Variants in MICAL2 observed in about 807,000 individuals in gnomAD.
The protein encoded by MICAL2 is microtubule associated monooxygenase, calponin and LIM domain containing 2, also known as [F-actin]-monooxygenase MICAL2.
MICAL2 carries 77 observed loss-of-function variants against 127.3 expected under a neutral mutation model. That is an observed-to-expected ratio of 0.60 (90% confidence interval 0.50 to 0.73). The LOEUF (loss-of-function observed/expected upper bound fraction) is 0.73, where lower values mean the gene tolerates loss of function less well. MICAL2 is among the 30% of genes least tolerant of loss of function. MICAL2 has a pLI of 0.00. For missense variants in MICAL2, 1,351 were observed against 1,434.4 expected (o/e 0.94, Z 0.94); for synonymous variants, 570 against 551.1 (o/e 1.03, Z -0.48).
intron 8 of MICAL2, among the ~76,000 whole-genome samples, chr11:12,218,000 T>C (rs1856395931): frequency 6.6e-6 from 1 of 152,162 alleles, no homozygotes; most frequent in African/African-American, 2.4e-5. Flanking sequence ...AATGGCAAGT[T>C]TTCTGTTTTC....
chr11:12,265,361 CTT>C (rs1440880875), downstream of MICAL2, among the ~76,000 whole-genome samples: 4 of 152,020 alleles, frequency 2.6e-5, no homozygotes, highest in Admixed American at 6.6e-5. Context: ...GGATTAAAGA[CTT>C]AGAATTTTAA....
chr11:12,338,165 T>C (rs1213339950), intron 32 of MICAL2, among the ~76,000 whole-genome samples: 4 of 152,228 alleles, frequency 2.6e-5, no homozygotes, highest in Non-Finnish European at 4.4e-5. Flanking sequence ...ATATTTAGGA[T>C]AGTTAGCTCT....
intron 32 of MICAL2, among the ~76,000 whole-genome samples, chr11:12,328,886 G>C (rs921069030): frequency 6.6e-6 from 1 of 152,156 alleles, no homozygotes; most frequent in Non-Finnish European, 1.5e-5. Flanking sequence ...AAAATTGTGA[G>C]GGCTGCTTCC....
intron 33 of MICAL2, among the ~76,000 whole-genome samples, chr11:12,352,740 G>A (rs899750661): frequency 3.3e-5 from 5 of 152,222 alleles, no homozygotes; most frequent in African/African-American, 1.2e-4. Flanking sequence ...AGAAGGAGCA[G>A]GAGGAAGTGA....
intron 32 of MICAL2, among the ~76,000 whole-genome samples, chr11:12,329,862 GAAAA>G (rs59395634): frequency 1.6e-4 from 19 of 121,964 alleles, no homozygotes; most frequent in African/African-American, 5.3e-4. Flanking sequence ...CCCCAAATAT[GAAAA>G]AAAAAAAAAA....
intron 1 of MICAL2, among the ~76,000 whole-genome samples, chr11:12,129,766 G>T (rs895022667): frequency 2.0e-4 from 31 of 151,400 alleles, no homozygotes; most frequent in African/African-American, 7.3e-4. Context: ...GGAGAGCAGT[G>T]GTGGGATCAT....
At chr11:12,231,564 A>G (rs1161052884) in intron 15 of MICAL2, among the ~76,000 whole-genome samples, 1 of 152,132 alleles carries the variant, frequency 6.6e-6, no homozygotes, top group African/African-American at 2.4e-5. Flanking sequence ...TGCCTATTTT[A>G]TGTGGAGTTC....
intron 7 of MICAL2, among the ~76,000 whole-genome samples, chr11:12,214,746 G>A: frequency 6.6e-6 from 1 of 152,206 alleles, no homozygotes. Context: ...CATAACTGTT[G>A]ATGGCTGCTT....
intron 1 of MICAL2, among the ~76,000 whole-genome samples, chr11:12,113,050 G>T (rs75584845): frequency 9.2e-5 from 14 of 152,096 alleles, no homozygotes; most frequent in African/African-American, 3.4e-4. Flanking sequence ...ACGTGGTAAG[G>T]GTAAAAGAAT....
chr11:12,235,171 G>C (rs747550006), intron 15 of MICAL2, among the ~76,000 whole-genome samples: 3 of 152,224 alleles, frequency 2.0e-5, no homozygotes, highest in Admixed American at 1.3e-4. Context: ...CAGCGACAAG[G>C]GTAGGCTTAC....
intron 21 of MICAL2, among the ~76,000 whole-genome samples, chr11:12,245,595 C>T (rs2134519262): frequency 6.6e-6 from 1 of 152,322 alleles, no homozygotes; most frequent in Middle Eastern, 3.4e-3. Flanking sequence ...ATCTTCAATG[C>T]CACTGAAAAT....
rs2706638 is a variant in MICAL2 at position 12,236,580 on chromosome 11, T to G, written c.2064+335T>G. Among the ~76,000 whole-genome samples, 1,459 of 152,368 alleles carry G rather than the reference T, an allele frequency of 9.6e-3. 22 individuals carry two copies. Among genetic ancestry groups the G allele is most frequent in the African/African-American group, 0.033 (1,367 of 41,578 alleles). On this transcript the variant is annotated intron_variant, in intron 16 of 27. Transcript: ENST00000683283. ...CATGTTAATCAATATACAACCACTG[T>G]TAACAGTAAATAGTAAAGAGGCATC...
downstream of MICAL2, chr11:12,294,873 C>T: frequency 2.1e-6 from 3 of 1,451,756 alleles, no homozygotes; most frequent in Non-Finnish European, 9.0e-7. Flanking sequence ...TGGCTCTGTC[C>T]TGATAAATGT....
In MICAL2 at chr11:12,141,687, G is replaced by T. The variant is rs112333248; in HGVS notation, c.-78+3227G>T. On this transcript the variant is annotated intron_variant, in intron 2 of 27. Transcript: ENST00000683283. ...AGGTTGTTGGGATTTTCAAGTCCTT[G>T]ATGCCCCAGGGTACCTGGATTGTAC... Among the ~76,000 whole-genome samples the T allele has an allele frequency of 6.7e-3, 1,022 of 152,306 alleles. 17 individuals carry two copies. Among genetic ancestry groups the T allele is most frequent in the African/African-American group, 0.024 (978 of 41,554 alleles).
intron 29 of MICAL2, among the ~76,000 whole-genome samples, chr11:12,306,561 AAT>A (rs1414670251): frequency 3.3e-5 from 5 of 152,308 alleles, no homozygotes; most frequent in Middle Eastern, 3.4e-3. Context: ...CCAAAATCAA[AAT>A]AGAGATATTT....
In MICAL2 at chr11:12,242,843, C is replaced by T. The variant is rs1860172790; in HGVS notation, c.2658+71C>T. 4.2e-5 allele frequency: 49 copies of T among 1,153,610 alleles called. No individual in the cohort carries two copies. In the South Asian group the frequency reaches 6.2e-4, roughly 15 times the overall value. 71.5% of individuals were successfully genotyped at this position (1,153,610 alleles called of 1,614,324 possible). Reference sequence around the variant, plus strand: ...TCCAGCCAGGTGACCTTGAATCAGGCTCTGAGCTCAATTTTCTCCTCCTTC... The same window carrying T: ...TCCAGCCAGGTGACCTTGAATCAGGTTCTGAGCTCAATTTTCTCCTCCTTC... On this transcript the variant is annotated intron_variant, in intron 20 of 27. Transcript: ENST00000683283.
Position 12,242,729 on chromosome 11 carries a change from C to T in MICAL2, c.2615C>T (p.Ala872Val), listed in dbSNP as rs146142372. 128 of 1,611,462 alleles carry T rather than the reference C, an allele frequency of 7.9e-5. No homozygotes were observed. Among genetic ancestry groups the T allele is most frequent in the Admixed American group, 1.5e-4 (9 of 59,424 alleles). Residue 872 changes from alanine to valine, a missense_variant, in exon 20 of 28, where the codon GCG becomes GTG. Physicochemically the swap from Ala to Val is moderately conservative, Grantham distance 64. Transcript: ENST00000683283. ...CACACAAAGAACATTAAGGAGAAGGCGGCTCACCTTGCCTCCATGTTTGGA... is the reference window on the plus strand; with the variant it reads ...CACACAAAGAACATTAAGGAGAAGGTGGCTCACCTTGCCTCCATGTTTGGA... ...EFHTKNIKEKAAHLASMFGHG... is the reference protein window; with the variant it reads ...EFHTKNIKEKVAHLASMFGHG...
chr11:12,345,610 T>C (rs1284467055), intron 32 of MICAL2, among the ~76,000 whole-genome samples: 1 of 152,222 alleles, frequency 6.6e-6, no homozygotes, highest in Non-Finnish European at 1.5e-5. Context: ...AGGTGATATT[T>C]AACAAGATGC....
Position 12,206,289 on chromosome 11 carries a change from G to T in MICAL2, c.473-1734G>T, listed in dbSNP as rs117824951. Among the ~76,000 whole-genome samples, 815 of 152,264 alleles carry T rather than the reference G, an allele frequency of 5.4e-3. 16 individuals are homozygous for T. The East Asian group carries it at 0.066, about 12-fold the overall frequency. ...GCTTCCTGGCCAGGAGCCCTTCTCT[G>T]CCCTCATTGATGGGGCTTTCATTGA... On this transcript the variant is annotated intron_variant, in intron 4 of 27. Transcript: ENST00000683283.
Sources: allele counts gnomAD v4.1 joint callset (sites outside exome capture counted in the v4.1 genomes callset), GRCh38; gene constraint gnomAD v4.1.1; transcripts MANE v1.5; gene names NCBI Gene and HGNC (gene_info 2026-07-23, HGNC 2026-07-21).